The following DIP2B variants were observed in gnomAD, a reference collection of about 807,000 sequenced individuals.
The protein encoded by DIP2B is DIP2 acetate--CoA ligase B (putative), also known as disco-interacting protein 2 homolog B.
Under a neutral mutation model 198.0 loss-of-function variants are expected in DIP2B, and 76 were observed. The observed-to-expected ratio is 0.38, with a 90% CI of 0.32 to 0.46. The LOEUF (loss-of-function observed/expected upper bound fraction) is 0.46, where lower values mean the gene tolerates loss of function less well. DIP2B is among the 20% of genes least tolerant of loss of function. DIP2B has a pLI of 0.99. For missense variants in DIP2B, 1,559 were observed against 1,978.4 expected (o/e 0.79, Z 4.02); for synonymous variants, 701 against 739.1 (o/e 0.95, Z 0.84).
intron 1 of DIP2B, among the ~76,000 whole-genome samples, chr12:50,516,534 G>A (rs1408139170): frequency 2.0e-5 from 3 of 152,060 alleles, no homozygotes; most frequent in African/African-American, 7.2e-5. Flanking sequence ...GATTATGACT[G>A]TGAGCCACTG....
intron 3 of DIP2B, among the ~76,000 whole-genome samples, chr12:50,641,934 G>T (rs781081382): frequency 6.6e-6 from 1 of 152,120 alleles, no homozygotes; most frequent in African/African-American, 2.4e-5. Context: ...TGTCTTCTTT[G>T]TACTGACCAA....
chr12:50,744,514 G>A, intron 37 of DIP2B, 73 bp from the exon 38 acceptor site: 1 of 1,587,070 alleles, frequency 6.3e-7, no homozygotes, highest in Non-Finnish European at 8.6e-7. Context: ...AATGGGCTAA[G>A]TCTGGGACAG....
intron 28 of DIP2B, 80 bp from the exon 29 acceptor site, chr12:50,727,623 C>A: frequency 7.6e-7 from 1 of 1,318,472 alleles, no homozygotes; most frequent in Non-Finnish European, 1.1e-6. Context: ...TAAATTTGGC[C>A]ATAGCAAAGC....
At chr12:50,673,185 T>G (rs1260966545) in intron 5 of DIP2B, among the ~76,000 whole-genome samples, 1 of 152,236 alleles carries the variant, frequency 6.6e-6, no homozygotes, top group Non-Finnish European at 1.5e-5. Context: ...TATACTCATG[T>G]TAGTATATTT....
At chr12:50,650,632 T>G (rs1383611066) in intron 3 of DIP2B, among the ~76,000 whole-genome samples, 1 of 152,250 alleles carries the variant, frequency 6.6e-6, no homozygotes, top group African/African-American at 2.4e-5. Context: ...TAGCATAAGA[T>G]GGGATTCCCT....
intron 26 of DIP2B, among the ~76,000 whole-genome samples, chr12:50,722,627 G>A (rs1329945264): frequency 2.0e-5 from 3 of 152,176 alleles, no homozygotes; most frequent in Admixed American, 1.3e-4. Context: ...TGATAAAGCA[G>A]TCCCCACCAT....
At chr12:50,616,434 T>G (rs188304662) in intron 1 of DIP2B, among the ~76,000 whole-genome samples, 1 of 152,250 alleles carries the variant, frequency 6.6e-6, no homozygotes, top group Non-Finnish European at 1.5e-5. Flanking sequence ...AATTCTCATC[T>G]TCTTTCAACA....
At chr12:50,558,239 A>G (rs4131769) in intron 1 of DIP2B, among the ~76,000 whole-genome samples, 37,393 of 152,108 alleles carry the variant, frequency 0.25, 5,398 homozygotes, top group East Asian at 0.39. Context: ...GAGTTTTATT[A>G]TATGATCTAG....
At chr12:50,738,722 CA>C (rs1161616399) in intron 35 of DIP2B, among the ~76,000 whole-genome samples, 1 of 152,142 alleles carries the variant, frequency 6.6e-6, no homozygotes, top group Non-Finnish European at 1.5e-5. Context: ...TCAAGTGATC[CA>C]CCTGCCTTGG....
intron 3 of DIP2B, among the ~76,000 whole-genome samples, chr12:50,648,553 C>T (rs185999260): frequency 1.4e-4 from 21 of 151,838 alleles, no homozygotes; most frequent in African/African-American, 2.9e-4. Context: ...TTAGTAGAGA[C>T]GGGTTTTCAC....
intron 21 of DIP2B, among the ~76,000 whole-genome samples, chr12:50,708,165 G>C (rs1205026751): frequency 6.6e-6 from 1 of 151,504 alleles, no homozygotes; most frequent in Non-Finnish European, 1.5e-5. Context: ...GCATTATTCT[G>C]TATTTATTTG....
Position 50,728,622 on chromosome 12 carries a change from C to T in DIP2B, c.3585C>T (p.Ile1195=), listed in dbSNP as rs61745502. Residue 1195 remains isoleucine, a synonymous_variant, in exon 30 of 38, where the codon ATC becomes ATT. Transcript: ENST00000301180. ...GTGAGTTGTACTCTTCTCGGCAGATCGCCATCTGCCTTGACCCTTACTGTG... is the reference window on the plus strand; with the variant it reads ...GTGAGTTGTACTCTTCTCGGCAGATTGCCATCTGCCTTGACCCTTACTGTG... The part of the protein sequence containing the change: ...LQCELYSSRQ[I]AICLDPYCGL... 1,419 of 1,614,128 alleles carry T rather than the reference C, an allele frequency of 8.8e-4. 2 individuals are homozygous for T. In the African/African-American group the frequency reaches 0.013, roughly 15 times the overall value.
chr12:50,728,009 G>A (rs546594320), intron 29 of DIP2B, among the ~76,000 whole-genome samples, 197 bp downstream of exon 29: 8 of 152,198 alleles, frequency 5.3e-5, no homozygotes, highest in East Asian at 1.9e-4. Context: ...ATTATTAAGC[G>A]TCTGAACCTA....
chr12:50,602,512 C>T (rs1480384624), intron 1 of DIP2B, among the ~76,000 whole-genome samples: 1 of 152,182 alleles, frequency 6.6e-6, no homozygotes, highest in Non-Finnish European at 1.5e-5. Flanking sequence ...CCACATTGGC[C>T]TCCCAAAGTG....
intron 3 of DIP2B, among the ~76,000 whole-genome samples, chr12:50,648,962 A>C (rs908888006): frequency 2.0e-5 from 3 of 152,206 alleles, no homozygotes; most frequent in African/African-American, 7.2e-5. Flanking sequence ...AACATATGCA[A>C]ATAATAAGCA....
chr12:50,565,479 G>T (rs185614276), intron 1 of DIP2B, among the ~76,000 whole-genome samples: 4 of 152,116 alleles, frequency 2.6e-5, no homozygotes, highest in Non-Finnish European at 4.4e-5. Context: ...TGTATTTTTA[G>T]TAGAGACGGG....
intron 19 of DIP2B, among the ~76,000 whole-genome samples, chr12:50,702,596 A>G (rs1401895036): frequency 6.6e-6 from 1 of 151,686 alleles, no homozygotes; most frequent in Non-Finnish European, 1.5e-5. Context: ...TGTGGTTCAC[A>G]CCTGTAGTCC....
At chr12:50,616,309 T>C (rs7134976) in intron 1 of DIP2B, among the ~76,000 whole-genome samples, 37,763 of 152,138 alleles carry the variant, frequency 0.25, 5,435 homozygotes, top group East Asian at 0.39. Context: ...TTAATTTCCT[T>C]GAAAAACCGT....
chr12:50,694,461 C>T (rs1203399212), intron 14 of DIP2B, among the ~76,000 whole-genome samples: 1 of 151,890 alleles, frequency 6.6e-6, no homozygotes, highest in African/African-American at 2.4e-5. Flanking sequence ...CACCACTGTA[C>T]TCTAGCCTGG....
Sources: gnomAD v4.1 joint callset for allele counts (sites outside exome capture counted in the v4.1 genomes callset) on GRCh38, gnomAD v4.1.1 for gene constraint, MANE v1.5 for transcripts, NCBI Gene and HGNC (gene_info 2026-07-23, HGNC 2026-07-21) for gene names.